Variants in PSIP1 observed in about 807,000 individuals in gnomAD.
The protein encoded by PSIP1 is PC4 and SRSF1 interacting protein 1, also known as PC4 and SFRS1-interacting protein.
Under a neutral mutation model 74.7 loss-of-function variants are expected in PSIP1, and 19 were observed. The ratio of observed to expected loss-of-function variants is 0.25; its 90% CI spans 0.18 to 0.37. PSIP1 has a LOEUF of 0.37. PSIP1 is among the 10% of genes least tolerant of loss of function. The pLI is 1.00. For synonymous variants in PSIP1, 222 were observed against 195.3 expected (o/e 1.14, Z -1.14); for missense variants, 601 against 614.3 (o/e 0.98, Z 0.23).
chr9:15,498,276 C>T (rs1276347263), intron 3 of PSIP1, among the ~76,000 whole-genome samples: 3 of 152,014 alleles, frequency 2.0e-5, no homozygotes, highest in African/African-American at 7.2e-5. Context: ...ATTAGCCAGC[C>T]GTGGTGGCGT....
chr9:15,497,278 C>A (rs890294522), intron 3 of PSIP1, among the ~76,000 whole-genome samples: 10 of 150,422 alleles, frequency 6.6e-5, no homozygotes, highest in Admixed American at 6.0e-4. Flanking sequence ...AAAACATCAT[C>A]CTAAGTGAGA....
chr9:15,491,345 G>A lies in PSIP1; in HGVS notation c.150-1221C>T, dbSNP rs553878797. 4.6e-5 allele frequency among the ~76,000 whole-genome samples: 7 copies of A among 152,170 alleles called. No homozygotes were observed. In the South Asian group the frequency reaches 1.4e-3, roughly 31 times the overall value. The stretch of plus-strand genomic sequence containing the variant: ...GATACTTGCTTACAGTATGAGTGCT[G>A]AAAAAAGAAGGCAAGCATTCCCTTG... On this transcript the variant is annotated intron_variant, in intron 3 of 15. Transcript: ENST00000380733.
At chr9:15,493,638 C>T (rs2036938673) in intron 3 of PSIP1, among the ~76,000 whole-genome samples, 1 of 152,202 alleles carries the variant, frequency 6.6e-6, no homozygotes, top group African/African-American at 2.4e-5. Flanking sequence ...CAAAGTTCCG[C>T]ATGGCTGGGG....
At chr9:15,487,234 G>A (rs1014292000) in intron 4 of PSIP1, among the ~76,000 whole-genome samples, 11 of 151,822 alleles carry the variant, frequency 7.2e-5, no homozygotes, top group Non-Finnish European at 1.0e-4. Flanking sequence ...ATGGTGACAA[G>A]GCTTGGCAAT....
chr9:15,509,409 C>T (rs1433197028), intron 2 of PSIP1, among the ~76,000 whole-genome samples: 1 of 152,190 alleles, frequency 6.6e-6, no homozygotes, highest in Non-Finnish European at 1.5e-5. Flanking sequence ...ACAAAACATC[C>T]TGGGTCCTTA....
chr9:15,468,315 A>C, intron 14 of PSIP1: 1 of 578,504 alleles, frequency 1.7e-6, no homozygotes, highest in South Asian at 1.4e-5. Context: ...GCAGCTGAGC[A>C]ACCAGGAAGT....
chr9:15,468,508 G>C, intron 14 of PSIP1, 122 bp downstream of exon 14: 2 of 1,059,404 alleles, frequency 1.9e-6, no homozygotes, highest in Non-Finnish European at 2.9e-6. Flanking sequence ...TCACCATTTT[G>C]CCTTTGTATA....
intron 8 of PSIP1, among the ~76,000 whole-genome samples, chr9:15,475,183 T>C (rs1057147145): frequency 1.3e-5 from 2 of 152,226 alleles, no homozygotes; most frequent in Admixed American, 6.5e-5. Context: ...TATTATATAA[T>C]TATCATTGGG....
At chr9:15,474,366 A>G (rs527786866) in intron 8 of PSIP1, 129 bp from the exon 9 acceptor site, 4 of 724,512 alleles carry the variant, frequency 5.5e-6, no homozygotes, top group Admixed American at 6.5e-5. Flanking sequence ...TCACTATCCA[A>G]TCATAAAAGG....
intron 9 of PSIP1, 71 bp from the exon 10 acceptor site, chr9:15,472,821 T>TG (rs1563869321): frequency 2.1e-6 from 3 of 1,399,760 alleles, no homozygotes; most frequent in Non-Finnish European, 2.9e-6. Flanking sequence ...ATTATAATCT[T>TG]GGGGGAAAAG....
At chr9:15,478,197 C>T (rs927978236) in intron 8 of PSIP1, among the ~76,000 whole-genome samples, 2 of 150,564 alleles carry the variant, frequency 1.3e-5, no homozygotes, top group East Asian at 3.9e-4. Flanking sequence ...CTGAAACATA[C>T]CATCTTGCCC....
At chr9:15,467,240 C>CA (rs1276555223) in intron 14 of PSIP1, among the ~76,000 whole-genome samples, 1 of 152,130 alleles carries the variant, frequency 6.6e-6, no homozygotes, top group East Asian at 1.9e-4. Flanking sequence ...CAATGTGAAT[C>CA]AAATTTTAAA....
chr9:15,506,683 C>G, intron 2 of PSIP1, 46 bp from the exon 3 acceptor site: 1 of 1,379,860 alleles, frequency 7.2e-7, no homozygotes, highest in Middle Eastern at 2.1e-4. Flanking sequence ...ATCATACACA[C>G]CTCAACATTT....
Position 15,510,324 on chromosome 9 carries a change from C to T in PSIP1, c.-136G>A, listed in dbSNP as rs2037802644. On this transcript the variant is annotated 5_prime_UTR_variant, in exon 2 of 16. Transcript: ENST00000380733. ...GAGGATGCCTCGGGGCGTCCCGACGCGCCTGCTAGGGAGAGCACCGAGGGC... is the reference window on the plus strand; with the variant it reads ...GAGGATGCCTCGGGGCGTCCCGACGTGCCTGCTAGGGAGAGCACCGAGGGC... 3.9e-6 allele frequency: 2 copies of T among 509,582 alleles called. No homozygotes were observed. Among genetic ancestry groups the T allele is most frequent in the Non-Finnish European group, 6.4e-6 (2 of 312,172 alleles). 31.6% of individuals were successfully genotyped at this position (509,582 alleles called of 1,614,324 possible). A position where few individuals can be genotyped will look rare whatever the true frequency, so the allele number is the denominator to read the frequency against.
At chr9:15,507,669 A>T (rs771353669) in intron 2 of PSIP1, among the ~76,000 whole-genome samples, 1 of 151,220 alleles carries the variant, frequency 6.6e-6, no homozygotes, top group South Asian at 2.1e-4. Context: ...ATTTAACAAC[A>T]TATCTATTTT....
chr9:15,479,400 A>C (rs1483207131), intron 7 of PSIP1, among the ~76,000 whole-genome samples, 191 bp downstream of exon 7: 1 of 152,210 alleles, frequency 6.6e-6, no homozygotes, highest in Non-Finnish European at 1.5e-5. Flanking sequence ...ACAGAGATAA[A>C]GCAAAGTTTA....
intron 3 of PSIP1, among the ~76,000 whole-genome samples, chr9:15,504,542 C>T (rs2037496004): frequency 6.6e-6 from 1 of 152,058 alleles, no homozygotes; most frequent in South Asian, 2.1e-4. Context: ...TCGAGACCAT[C>T]CTGGCTAACA....
chr9:15,475,130 G>C (rs549312913), intron 8 of PSIP1, among the ~76,000 whole-genome samples: 3 of 152,138 alleles, frequency 2.0e-5, no homozygotes, highest in Non-Finnish European at 4.4e-5. Flanking sequence ...GAACTATTAA[G>C]TTGGAAGAGA....
At position 15,473,916 on chromosome 9, in the gene PSIP1, AAAAAAAAAAACAAAAAAAAAAC is replaced by A. The variant is rs775298108; in HGVS notation, c.858+71_858+92del. On this transcript the variant is annotated intron_variant, in intron 9 of 15. Coordinates refer to ENST00000380733, the MANE Select transcript of PSIP1 (RefSeq NM_033222.5). ...ACTCCATCTCAAACAAAAAAAAAAC[AAAAAAAAAAACAAAAAAAAAAC>A]AAAGAAAAAACAAAAAATATATATA... 2.5e-5 allele frequency: 17 copies of A among 679,408 alleles called. No individual in the cohort carries two copies. The African/African-American group carries it at 5.4e-4, about 22-fold the overall frequency. The allele number at this position is 679,408 out of a possible 1,614,324, so 42.1% of individuals were successfully genotyped here. A position where few individuals can be genotyped will look rare whatever the true frequency, so the allele number is the denominator to read the frequency against.
Sources: allele counts gnomAD v4.1 joint callset (sites outside exome capture counted in the v4.1 genomes callset), GRCh38; gene constraint gnomAD v4.1.1; transcripts MANE v1.5; gene names NCBI Gene and HGNC (gene_info 2026-07-23, HGNC 2026-07-21).